Variants in SP140L observed in about 807,000 individuals in gnomAD.
The protein encoded by SP140L is nuclear body protein SP140-like protein.
SP140L carries 64 observed loss-of-function variants against 84.3 expected under a neutral mutation model. The ratio of observed to expected loss-of-function variants is 0.76; its 90% CI spans 0.62 to 0.94. SP140L has a LOEUF of 0.94. Among genes scored for constraint, SP140L ranks in the 40% least tolerant of loss-of-function variants. The pLI is 0.00. For synonymous variants in SP140L, 242 were observed against 236.9 expected, an observed-to-expected ratio of 1.02 and a Z score of -0.20; for missense variants, 628 against 692.5, an observed-to-expected ratio of 0.91 and a Z score of 1.05.
intron 2 of SP140L, among the ~76,000 whole-genome samples, chr2:230,347,721 T>C (rs2060251005): frequency 6.6e-6 from 1 of 152,192 alleles, no homozygotes; most frequent in South Asian, 2.1e-4. Context: ...CAGAATCTCT[T>C]TGGGGGTTCC....
intron 14 of SP140L, among the ~76,000 whole-genome samples, chr2:230,397,801 G>A (rs185548831): frequency 6.6e-5 from 10 of 152,212 alleles, no homozygotes; most frequent in South Asian, 4.2e-4. Flanking sequence ...TTTGATGCCC[G>A]GCCAACTCAG....
chr2:230,343,903 G>GT (rs1352866892), intron 2 of SP140L, among the ~76,000 whole-genome samples: 18 of 151,616 alleles, frequency 1.2e-4, no homozygotes, highest in Admixed American at 3.9e-4. Context: ...TATGATTACT[G>GT]TTTTTTTTGC....
At chr2:230,362,097 A>G (rs1307822431) in intron 5 of SP140L, among the ~76,000 whole-genome samples, 1 of 152,180 alleles carries the variant, frequency 6.6e-6, no homozygotes, top group African/African-American at 2.4e-5. Flanking sequence ...CTCCTGTTTT[A>G]TCTGTACTCT....
At chr2:230,392,253 A>T (rs781207726) in intron 12 of SP140L, 24 bp downstream of exon 12, 2 of 1,612,548 alleles carry the variant, frequency 1.2e-6, no homozygotes, top group Non-Finnish European at 1.7e-6. Context: ...AAGAGGCCAG[A>T]CCTGTGCCCA....
intron 2 of SP140L, among the ~76,000 whole-genome samples, chr2:230,330,917 C>G (rs756801222): frequency 6.6e-6 from 1 of 152,184 alleles, no homozygotes; most frequent in Non-Finnish European, 1.5e-5. Flanking sequence ...GTCCCTTTAT[C>G]CAGCGTATCC....
intron 2 of SP140L, among the ~76,000 whole-genome samples, chr2:230,351,695 A>G (rs57168851): frequency 0.12 from 18,557 of 152,168 alleles, 1,164 homozygotes; most frequent in Middle Eastern, 0.15. Flanking sequence ...CACCCAGCCC[A>G]GAGTGCAGTG....
chr2:230,400,089 G>A (rs1247681173), intron 14 of SP140L, 38 bp from the exon 15 acceptor site: 1 of 1,610,762 alleles, frequency 6.2e-7, no homozygotes, highest in South Asian at 1.1e-5. Flanking sequence ...CCTGAATCTT[G>A]TGATTCCCAG....
chr2:230,364,018 CTA>C (rs2060798767), intron 5 of SP140L, among the ~76,000 whole-genome samples: 1 of 151,992 alleles, frequency 6.6e-6, no homozygotes, highest in Non-Finnish European at 1.5e-5. Context: ...TTCCATTTGT[CTA>C]TGTGTCTATT....
At chr2:230,350,727 G>A (rs1055106347) in intron 2 of SP140L, among the ~76,000 whole-genome samples, 2 of 152,112 alleles carry the variant, frequency 1.3e-5, no homozygotes, top group Non-Finnish European at 2.9e-5. Flanking sequence ...AGGCAGATGA[G>A]GGGATTGGGA....
intron 2 of SP140L, among the ~76,000 whole-genome samples, chr2:230,330,616 G>A (rs2059700481): frequency 6.6e-6 from 1 of 152,156 alleles, no homozygotes; most frequent in African/African-American, 2.4e-5. Flanking sequence ...TATATGATTA[G>A]TTTAGAAATG....
Position 230,359,150 on chromosome 2 carries a change from C to G in SP140L, c.439+18C>G, listed in dbSNP as rs1326221982. On this transcript the variant is annotated intron_variant, in intron 4 of 18. Transcript: ENST00000415673. The stretch of plus-strand genomic sequence containing the variant: ...CAAAAATGGTAATTAGGTTTATTAT[C>G]TACCTTTTGATTTCCGGGGCCAATT... 3.1e-6 allele frequency: 5 copies of G among 1,600,010 alleles called. No individual in the cohort carries two copies. Among genetic ancestry groups the G allele is most frequent in the Non-Finnish European group, 4.3e-6 (5 of 1,176,022 alleles).
intron 2 of SP140L, among the ~76,000 whole-genome samples, chr2:230,347,233 G>A (rs1381845731): frequency 6.6e-6 from 1 of 152,150 alleles, no homozygotes; most frequent in Non-Finnish European, 1.5e-5. Flanking sequence ...GCTACTGGCT[G>A]GCTTCTGAGA....
rs952735538 is a variant in SP140L, at chr2:230,361,817, T to A, written c.523+120T>A. 7 of 735,214 alleles carry A rather than the reference T, an allele frequency of 9.5e-6. No homozygotes were observed. The East Asian group carries it at 1.9e-4, about 20-fold the overall frequency. The allele number at this position is 735,214 out of a possible 1,614,324, so 45.5% of individuals were successfully genotyped here. ...ACAGGGAAGACACAGGGAAGGACCA[T>A]GGAGAAGTCAAGGAGGGGGTTGTAT... On this transcript the variant is annotated intron_variant, in intron 5 of 18. Transcript: ENST00000415673.
chr2:230,328,356 A>G (rs981222392), intron 1 of SP140L, among the ~76,000 whole-genome samples: 1 of 152,204 alleles, frequency 6.6e-6, no homozygotes, highest in African/African-American at 2.4e-5. Context: ...TACGTGTATG[A>G]AGTATGTTTT....
chr2:230,362,056 A>G (rs1404215996), intron 5 of SP140L, among the ~76,000 whole-genome samples: 2 of 152,194 alleles, frequency 1.3e-5, no homozygotes, highest in Non-Finnish European at 2.9e-5. Context: ...CATGGTCAAC[A>G]TCAAAGAGGA....
In SP140L at chr2:230,403,555, T is replaced by C. The variant is rs1361785523; in HGVS notation, c.*659T>C. 1 of 152,236 alleles carries C rather than the reference T, an allele frequency of 6.6e-6. No homozygotes were observed. The highest frequency in any genetic ancestry group is 1.5e-5 in the Non-Finnish European group (1 of 68,114). 9.4% of individuals were successfully genotyped at this position (152,236 alleles called of 1,614,324 possible). The stretch of plus-strand genomic sequence containing the variant: ...CAGCCAAGCTTTATTCACGACACAC[T>C]TCTTCCCTTCACTCTCCCACTTCTG... On this transcript the variant is annotated 3_prime_UTR_variant, in exon 19 of 19. Coordinates refer to ENST00000415673, the MANE Select transcript of SP140L (RefSeq NM_138402.6).
At position 230,346,878 on chromosome 2, in the gene SP140L, C is replaced by T. The variant is rs374817825; in HGVS notation, c.108-10927C>T. On this transcript the variant is annotated intron_variant, in intron 2 of 18. Transcript: ENST00000415673. ...GAATGTCAGTTAGCTCATAGACCTT[C>T]ATTTCTTTAGAGTCAGTTGTTAGAG... is the stretch of plus-strand genomic sequence containing the variant. 1.6e-4 allele frequency among the ~76,000 whole-genome samples: 24 copies of T among 152,334 alleles called. No homozygotes were observed. In the East Asian group the frequency reaches 4.6e-3, roughly 29 times the overall value.
In SP140L at chr2:230,401,432, T is replaced by A. The variant is rs748730330; in HGVS notation, c.1489T>A (p.Tyr497Asn). Residue 497 changes from tyrosine to asparagine, a missense_variant, in exon 17 of 19, where the codon TAC becomes AAC. Physicochemically the swap from Tyr to Asn is moderately radical, Grantham distance 143 (BLOSUM62 -2). Coordinates refer to ENST00000415673, the MANE Select transcript of SP140L (RefSeq NM_138402.6). ...GAGCTCCTTTTTTGCCAAGATTCCA[T>A]ACTATTATTATGTAAGTAACAACAG... The part of the protein sequence containing the change: ...SESSFFAKIP[Y>N]YYYIREACQG... 1 of 1,532,428 alleles carries A rather than the reference T, an allele frequency of 6.5e-7. No homozygotes were observed. Among genetic ancestry groups the A allele is most frequent in the South Asian group, 1.1e-5 (1 of 87,186 alleles). 94.9% of individuals were successfully genotyped at this position (1,532,428 alleles called of 1,614,324 possible). A position where few individuals can be genotyped will look rare whatever the true frequency, so the allele number is the denominator to read the frequency against.
At chr2:230,381,711 TACACACACACACACACAC>T (rs71052506) in intron 7 of SP140L, among the ~76,000 whole-genome samples, 1 of 147,166 alleles carries the variant, frequency 6.8e-6, no homozygotes, top group East Asian at 2.1e-4. Flanking sequence ...CCTGTCTCTC[TACACACACACACACACAC>T]ACACACACAC....
Sources: gnomAD v4.1 joint callset for allele counts (sites outside exome capture counted in the v4.1 genomes callset) on GRCh38, gnomAD v4.1.1 for gene constraint, MANE v1.5 for transcripts, NCBI Gene and HGNC (gene_info 2026-07-23, HGNC 2026-07-21) for gene names.